Variants in ZNF296 observed in about 807,000 individuals in gnomAD.
ZNF296 encodes zinc finger protein 296.
ZNF296 carries 1 observed loss-of-function variant against 13.2 expected under a neutral mutation model. The observed-to-expected ratio is 0.08, with a 90% CI of 0.03 to 0.36. The LOEUF (loss-of-function observed/expected upper bound fraction) is 0.36. Ranked by LOEUF, ZNF296 falls within the 10% of genes least tolerant of loss-of-function variation. The pLI, the probability that ZNF296 is intolerant of heterozygous loss-of-function variation, is 0.99. For missense variants in ZNF296, 555 were observed against 688.2 expected (o/e 0.81, Z 2.16); for synonymous variants, 303 against 289.0 (o/e 1.05, Z -0.49).
Position 45,072,261 on chromosome 19 carries a change from C to T in ZNF296, c.768G>A (p.Glu256=). 6.2e-7 allele frequency: 1 copy of T among 1,613,676 alleles called. No homozygotes were observed. Among genetic ancestry groups the T allele is most frequent in the Non-Finnish European group, 8.5e-7 (1 of 1,179,922 alleles). Residue 256 remains glutamate (E), a synonymous_variant, in exon 3 of 3, where the codon GAG becomes GAA. Transcript: ENST00000303809. ...GACACTGGTCGCAAGCATAGGGCCG[C>T]TCGCCTGTGTGTGAGCGCATGTGCA... ...LKVHMRSHTG[E]RPYACDQCPY... is the part of the protein sequence containing the mutation.
rs1005841496 is a variant in ZNF296 at position 45,072,509 on chromosome 19, G to A, written c.520C>T (p.Arg174Cys). 28 of 1,613,640 alleles carry A rather than the reference G, an allele frequency of 1.7e-5. No individual in the cohort carries two copies. Among genetic ancestry groups the A allele is most frequent in the Non-Finnish European group, 2.2e-5 (26 of 1,180,034 alleles). Reference protein sequence around the residue: ...KQFTVAWKLLRHAQWDHGLSI... With the variant: ...KQFTVAWKLLCHAQWDHGLSI... ...AGTCCGTGGTCCCACTGGGCGTGACGCAGCAGCTTCCAGGCCACTGTGAAC... is the reference window on the plus strand; with the variant it reads ...AGTCCGTGGTCCCACTGGGCGTGACACAGCAGCTTCCAGGCCACTGTGAAC... Residue 174 changes from arginine (R) to cysteine (C), a missense_variant, in exon 3 of 3, where the codon CGT (arginine) becomes TGT (cysteine). This residue lies in a region of ZNF296 where 410 missense variants were observed against 548.0 expected (regional missense o/e 0.75). Coordinates refer to ENST00000303809, the MANE Select transcript of ZNF296 (RefSeq NM_145288.3).
intron 2 of ZNF296, among the ~76,000 whole-genome samples, chr19:45,075,432 G>A (rs1424318275): frequency 6.6e-6 from 1 of 152,146 alleles, no homozygotes; most frequent in Non-Finnish European, 1.5e-5. Flanking sequence ...ACCAGGTTGG[G>A]GTGTGTGTTG....
Position 45,074,816 on chromosome 19 carries a change from T to A in ZNF296, c.448+897A>T, listed in dbSNP as rs918192416. ...AGAGCCTGTGAAACCAAGGTGCCCA[T>A]GATTCTCCAAGCCCTGTAGTGTTTT... is the stretch of plus-strand genomic sequence containing the variant. On this transcript the variant is annotated intron_variant, in intron 2 of 2. Transcript: ENST00000303809. Among the ~76,000 whole-genome samples, 6 of 152,170 alleles carry A rather than the reference T, an allele frequency of 3.9e-5. 1 individual carries two copies. The highest frequency in any genetic ancestry group is 3.9e-4 in the Admixed American group (6 of 15,264).
Position 45,076,233 on chromosome 19 carries a change from C to G in ZNF296, c.141G>C (p.Arg47Ser). ...CCTCCTTCGGGGAGAAGGGCCCCAG[C>G]CTTGGGGCCTGTTGGGGCTGCGCGT... The part of the protein sequence containing the change: ...EPDAQPQQAP[R>S]LGPFSPKEVS... The change falls in exon 1 of 3, where the codon AGG (arginine) becomes AGC (serine). Residue 47 changes from arginine (R) to serine (S), a missense_variant. Physicochemically the swap from Arg to Ser is moderately radical, Grantham distance 110 (BLOSUM62 -1). Coordinates refer to ENST00000303809, the MANE Select transcript of ZNF296 (RefSeq NM_145288.3). The surrounding 1 kb of genome is among the most constrained non-coding windows in gnomAD (Gnocchi z 4.9). 6.6e-7 allele frequency: 1 copy of G among 1,508,518 alleles called. No individual in the cohort carries two copies. Among genetic ancestry groups the G allele is most frequent in the Non-Finnish European group, 8.8e-7 (1 of 1,133,498 alleles). 93.4% of individuals were successfully genotyped at this position (1,508,518 alleles called of 1,614,324 possible).
intron 2 of ZNF296, 146 bp from the exon 3 acceptor site, chr19:45,072,726 AG>A (rs1967279968): frequency 9.3e-7 from 1 of 1,071,606 alleles, no homozygotes; most frequent in African/African-American, 1.6e-5. Flanking sequence ...CGCTCAGAGG[AG>A]GGGTGGACAC....
chr19:45,071,990 G>C lies in ZNF296; in HGVS notation c.1039C>G (p.Pro347Ala). The change falls in exon 3 of 3, where the codon CCT (proline) becomes GCT (alanine). Residue 347 changes from proline (P) to alanine (A), a missense_variant. Physicochemically the swap from Pro to Ala is conservative, Grantham distance 27. This residue lies in a region of ZNF296 where 410 missense variants were observed against 548.0 expected (regional missense o/e 0.75). Transcript: ENST00000303809. ...GAPGSGAQAG[P>A]GGDTWGAITT... Reference sequence around the variant, plus strand: ...ATGGCTCCCCAAGTGTCTCCACCAGGGCCGGCTTGAGCCCCACTGCCAGGA... The same window carrying C: ...ATGGCTCCCCAAGTGTCTCCACCAGCGCCGGCTTGAGCCCCACTGCCAGGA... The C allele has an allele frequency of 5.6e-6, 9 of 1,613,376 alleles. No individual in the cohort carries two copies. The highest frequency in any genetic ancestry group is 2.2e-5 in the East Asian group (1 of 44,870).
Position 45,072,140 on chromosome 19 carries a change from C to T in ZNF296, c.889G>A (p.Glu297Lys), listed in dbSNP as rs1401578660. Reference sequence around the variant, plus strand: ...TCCGGAGGGGCTGCAGAGGCCTGCTCCTGGCTGGTGTCGGCCATGAGGGGG... The same window carrying T: ...TCCGGAGGGGCTGCAGAGGCCTGCTTCTGGCTGGTGTCGGCCATGAGGGGG... ...QSPLMADTSQ[E>K]QASAAPPEPA... Residue 297 changes from glutamate (E) to lysine (K), a missense_variant, in exon 3 of 3, where the codon GAG (glutamate) becomes AAG (lysine). By Grantham distance (56) the Glu-to-Lys change is moderately conservative. Coordinates refer to ENST00000303809, the MANE Select transcript of ZNF296 (RefSeq NM_145288.3). 1.2e-6 allele frequency: 2 copies of T among 1,604,294 alleles called. No individual in the cohort carries two copies. Among genetic ancestry groups the T allele is most frequent in the Non-Finnish European group, 8.5e-7 (1 of 1,174,830 alleles).
rs1300738100 is a variant in ZNF296 at position 45,072,145 on chromosome 19, C to A, written c.884G>T (p.Ser295Ile). ...AGGGGCTGCAGAGGCCTGCTCCTGG[C>A]TGGTGTCGGCCATGAGGGGGCTCTG... is the stretch of plus-strand genomic sequence containing the variant. ...PPQSPLMADT[S>I]QEQASAAPPE... The change falls in exon 3 of 3, where the codon AGC becomes ATC. Residue 295 changes from serine to isoleucine, a missense_variant. Ser to Ile is a moderately radical substitution (Grantham distance 142). This residue lies in a region of ZNF296 where 410 missense variants were observed against 548.0 expected (regional missense o/e 0.75). Coordinates refer to ENST00000303809, the MANE Select transcript of ZNF296 (RefSeq NM_145288.3). 3 of 1,603,028 alleles carry A rather than the reference C, an allele frequency of 1.9e-6. No homozygotes were observed. Among genetic ancestry groups the A allele is most frequent in the Non-Finnish European group, 2.6e-6 (3 of 1,174,288 alleles).
In ZNF296 at chr19:45,075,853, G is replaced by C. The variant is rs751557082; in HGVS notation, c.308C>G (p.Pro103Arg). ...CAGATCTGGGTGTTTGTCGGTCCAG[G>C]GCTGGCGGTCTGCAGGGAGGAAGCG... Reference protein sequence around the residue: ...PLTPNYPDRQPWTDKHPDLLT... With the variant: ...PLTPNYPDRQRWTDKHPDLLT... The change falls in exon 2 of 3, where the codon CCC becomes CGC. Residue 103 changes from proline (P) to arginine (R), a missense_variant. Physicochemically the swap from Pro to Arg is moderately radical, Grantham distance 103 (BLOSUM62 -2). Transcript: ENST00000303809. The C allele has an allele frequency of 6.2e-7, 1 of 1,614,036 alleles. No homozygotes were observed. Among genetic ancestry groups the C allele is most frequent in the Non-Finnish European group, 8.5e-7 (1 of 1,180,002 alleles).
At chr19:45,075,267 C>G (rs771874895) in intron 2 of ZNF296, among the ~76,000 whole-genome samples, 1 of 152,180 alleles carries the variant, frequency 6.6e-6, no homozygotes, top group Non-Finnish European at 1.5e-5. Flanking sequence ...TCAGAATTGA[C>G]AGAGAGAGAC....
chr19:45,076,071 C>T lies in ZNF296; in HGVS notation c.298+5G>A, dbSNP rs759262096. 128 of 1,581,346 alleles carry T rather than the reference C, an allele frequency of 8.1e-5. No homozygotes were observed. The highest frequency in any genetic ancestry group is 2.1e-4 in the Middle Eastern group (1 of 4,770). On this transcript the variant is annotated splice_donor_5th_base_variant and intron_variant, in intron 1 of 2. Coordinates refer to ENST00000303809, the MANE Select transcript of ZNF296 (RefSeq NM_145288.3). This position sits in a 1 kb window ranked among gnomAD's most constrained non-coding sequence, Gnocchi z 4.9. ...GAGGCTGGGCCCAGGGCCCGGGGTG[C>T]TCACCGGGATAGTTCGGGGTCAACG... is the stretch of plus-strand genomic sequence containing the variant.
At position 45,072,352 on chromosome 19, in the gene ZNF296, A is replaced by C. The variant is rs1442726169; in HGVS notation, c.677T>G (p.Leu226Arg). 6.2e-6 allele frequency: 10 copies of C among 1,612,602 alleles called. No individual in the cohort carries two copies. The highest frequency in any genetic ancestry group is 8.5e-6 in the Non-Finnish European group (10 of 1,179,900). ...AGGACAGGTGGGGCTCCGCCGGGTG[A>C]GGCCGCTGCCACTTGCACGGGGGCT... is the stretch of plus-strand genomic sequence containing the variant. ...AKSPRASGSG[L>R]TRRSPTCPVC... The change falls in exon 3 of 3, where the codon CTC becomes CGC. Residue 226 changes from leucine to arginine, a missense_variant. This residue lies in a region of ZNF296 where 410 missense variants were observed against 548.0 expected (regional missense o/e 0.75). Coordinates refer to ENST00000303809, the MANE Select transcript of ZNF296 (RefSeq NM_145288.3).
Position 45,072,201 on chromosome 19 carries a change from G to A in ZNF296, c.828C>T (p.Arg276=). The A allele has an allele frequency of 6.2e-7, 1 of 1,607,026 alleles. No individual in the cohort carries two copies. Among genetic ancestry groups the A allele is most frequent in the Non-Finnish European group, 8.5e-7 (1 of 1,175,750 alleles). Residue 276 remains arginine (R), a synonymous_variant, in exon 3 of 3, where the codon CGC becomes CGT. Coordinates refer to ENST00000303809, the MANE Select transcript of ZNF296 (RefSeq NM_145288.3). ...YACAQSSKLN[R]HKKTHRQVPP... ...GCACCTGCCGGTGGGTCTTCTTGTG[G>A]CGGTTGAGCTTGCTGCTCTGGGCGC...
intron 2 of ZNF296, among the ~76,000 whole-genome samples, chr19:45,074,015 T>A (rs1295764751): frequency 3.5e-5 from 5 of 140,924 alleles, no homozygotes; most frequent in Non-Finnish European, 6.2e-5. Context: ...AAAGCGAGAC[T>A]CTGTTTCAAA....
Position 45,072,047 on chromosome 19 carries a change from C to T in ZNF296, c.982G>A (p.Ala328Thr), listed in dbSNP as rs1568425472. Residue 328 changes from alanine (A) to threonine (T), a missense_variant, in exon 3 of 3, where the codon GCC becomes ACC. Ala to Thr is a moderately conservative substitution (Grantham distance 58). Transcript: ENST00000303809. The stretch of plus-strand genomic sequence containing the variant: ...GGTTCCTGGACACCTGCTGTGGCGG[C>T]GGCTCCAGCCCCCTCACCACCGCTG... Reference protein sequence around the residue: ...PCSGGEGAGAAATAGVQEPGA... With the variant: ...PCSGGEGAGATATAGVQEPGA... 1.9e-6 allele frequency: 3 copies of T among 1,612,582 alleles called. No homozygotes were observed. The highest frequency in any genetic ancestry group is 3.3e-5 in the Admixed American group (2 of 60,006).
At chr19:45,072,779 T>TC (rs958803773) in intron 2 of ZNF296, among the ~76,000 whole-genome samples, 199 bp from the exon 3 acceptor site, 9 of 66,500 alleles carry the variant, frequency 1.4e-4, no homozygotes, top group African/African-American at 4.1e-4. Flanking sequence ...GAAAACATTT[T>TC]TTTTTAGACA....
intron 2 of ZNF296, among the ~76,000 whole-genome samples, 187 bp from the exon 3 acceptor site, chr19:45,072,767 C>CTGAGGCTTTGTGTT (rs561433559): frequency 1.4e-5 from 1 of 70,066 alleles, no homozygotes; most frequent in Non-Finnish European, 3.6e-5. Context: ...TGCTAAGTAC[C>CTGAGGCTTTGTGTT]TGAAAACATT....
chr19:45,076,056 C>A lies in ZNF296; in HGVS notation c.298+20G>T. The A allele has an allele frequency of 1.3e-6, 2 of 1,576,524 alleles. No individual in the cohort carries two copies. Among genetic ancestry groups the A allele is most frequent in the South Asian group, 1.1e-5 (1 of 87,018 alleles). On this transcript the variant is annotated intron_variant, in intron 1 of 2. Transcript: ENST00000303809. This position sits in a 1 kb window ranked among gnomAD's most constrained non-coding sequence, Gnocchi z 4.9. ...GGGTCAAAGGTAAGGGAGGCTGGGC[C>A]CAGGGCCCGGGGTGCTCACCGGGAT...
rs776478851 is a variant in ZNF296 at position 45,076,150 on chromosome 19, G to C, written c.224C>G (p.Ala75Gly). The change falls in exon 1 of 3, where the codon GCC becomes GGC. Residue 75 changes from alanine (A) to glycine (G), a missense_variant. Physicochemically the swap from Ala to Gly is moderately conservative, Grantham distance 60. Transcript: ENST00000303809. The surrounding 1 kb of genome is among the most constrained non-coding windows in gnomAD (Gnocchi z 4.9). The part of the protein sequence containing the change: ...EPHHSPGPMP[A>G]GAALLALGPR... ...GCCGAGGGCGAGGAGGGCGGCCCCG[G>C]CGGGCATGGGGCCAGGGGAGTGGTG... 2.6e-6 allele frequency: 4 copies of C among 1,547,470 alleles called. No homozygotes were observed. The highest frequency in any genetic ancestry group is 3.5e-6 in the Non-Finnish European group (4 of 1,152,128).
Sources: gnomAD v4.1 joint callset for allele counts (sites outside exome capture counted in the v4.1 genomes callset) on GRCh38, gnomAD v4.1.1 for gene constraint, gnomAD v4.1.1 regional missense constraint, Gnocchi (gnomAD v3.1) non-coding constraint, MANE v1.5 for transcripts, NCBI Gene and HGNC (gene_info 2026-07-23, HGNC 2026-07-21) for gene names.